MGAT5B: variants seen among roughly 807,000 people sequenced by gnomAD.
MGAT5B encodes alpha-1,6-mannosylglycoprotein 6-beta-N-acetylglucosaminyltransferase B, also known as N-acetylglucosaminyl-transferase Vb.
A neutral mutation model predicts 95.1 loss-of-function variants in MGAT5B; 54 were observed. That is an observed-to-expected ratio of 0.57 (90% CI 0.46 to 0.71). The LOEUF is 0.71. MGAT5B is among the 30% of genes least tolerant of loss of function. The pLI is 0.00. For missense variants in MGAT5B, 935 were observed against 1,088.6 expected, an observed-to-expected ratio of 0.86 and a Z score of 1.99; for synonymous variants, 464 against 451.0, an observed-to-expected ratio of 1.03 and a Z score of -0.36.
intron 12 of MGAT5B, among the ~76,000 whole-genome samples, chr17:76,937,370 T>C (rs539306889): frequency 3.6e-4 from 55 of 150,982 alleles, no homozygotes; most frequent in Non-Finnish European, 4.6e-4. Context: ...GGTGGATGGG[T>C]GAGTGGAGGG....
intron 15 of MGAT5B, chr17:76,944,187 T>C (rs550364274): frequency 3.9e-5 from 6 of 152,280 alleles, no homozygotes; most frequent in African/African-American, 1.2e-4. Context: ...CTAATGGGGG[T>C]AATTTCCAGG....
chr17:76,943,473 G>A (rs1049382348), intron 15 of MGAT5B, among the ~76,000 whole-genome samples: 1 of 152,182 alleles, frequency 6.6e-6, no homozygotes, highest in Admixed American at 6.5e-5. Flanking sequence ...GCAGATCCTC[G>A]AGCCTATCCC....
chr17:76,949,026 C>T lies in MGAT5B; in HGVS notation c.*188C>T. ...GAATAGGAGGAGGCAGCATGCCGAG[C>T]CCCTGGGACCTCCCAGGCAGGCTCC... On this transcript the variant is annotated 3_prime_UTR_variant, in exon 18 of 18. Coordinates refer to ENST00000569840, the MANE Select transcript of MGAT5B (RefSeq NM_001199172.2). The T allele has an allele frequency of 1.5e-6, 1 of 685,950 alleles. No homozygotes were observed. Among genetic ancestry groups the T allele is most frequent in the Non-Finnish European group, 2.4e-6 (1 of 416,536 alleles). 42.5% of individuals were successfully genotyped at this position (685,950 alleles called of 1,614,324 possible). A position where few individuals can be genotyped will look rare whatever the true frequency, so the allele number is the denominator to read the frequency against.
intron 8 of MGAT5B, chr17:76,913,973 C>G (rs925702349): frequency 2.9e-6 from 1 of 350,778 alleles, no homozygotes; most frequent in Non-Finnish European, 5.6e-6. Flanking sequence ...TAGCCAAGTG[C>G]GCCTGTGGTC....
Position 76,914,185 on chromosome 17 carries a change from A to G in MGAT5B, c.1025+7998A>G, listed in dbSNP as rs767833074. ...AAAGAAAGAGAATTTGGCCACAAAG[A>G]TGTCATTGCTGACTTTGGAAAGAGC... On this transcript the variant is annotated intron_variant, in intron 8 of 17. Coordinates refer to ENST00000569840, the MANE Select transcript of MGAT5B (RefSeq NM_001199172.2). This position sits in a 1 kb window ranked among gnomAD's most constrained non-coding sequence, Gnocchi z 5.1. 5.0e-6 allele frequency: 1 copy of G among 199,220 alleles called. No homozygotes were observed. The highest frequency in any genetic ancestry group is 2.3e-5 in the African/African-American group (1 of 42,716). The allele number at this position is 199,220 out of a possible 1,614,324, so 12.3% of individuals were successfully genotyped here. A position where few individuals can be genotyped will look rare whatever the true frequency, so the allele number is the denominator to read the frequency against.
At position 76,917,072 on chromosome 17, in the gene MGAT5B, G is replaced by A. The variant is rs146509694; in HGVS notation, c.1026-7894G>A. ...TCAGCCTAGTTGTGCTAAGTCCAAC[G>A]CCAGGTGGGAGGTTTCACTGTGACT... is the stretch of plus-strand genomic sequence containing the variant. On this transcript the variant is annotated intron_variant, in intron 8 of 17. Coordinates refer to ENST00000569840, the MANE Select transcript of MGAT5B (RefSeq NM_001199172.2). This position sits in a 1 kb window ranked among gnomAD's most constrained non-coding sequence, Gnocchi z 6.1. Among the ~76,000 whole-genome samples the A allele has an allele frequency of 6.2e-3, 943 of 152,294 alleles. 8 individuals carry two copies. Among genetic ancestry groups the A allele is most frequent in the Non-Finnish European group, 9.3e-3 (636 of 68,030 alleles).
In MGAT5B at chr17:76,932,654, C is replaced by G. The variant is rs762074348; in HGVS notation, c.1301C>G (p.Pro434Arg). ...KQFMTMFPHT[P>R]DNSFMGFVSE... ...CGTGCTCGGGCTGCAGCTCATACCC[C>G]CGACAACTCCTTCATGGGCTTCGTG... Residue 434 changes from proline (P) to arginine (R), a missense_variant, in exon 11 of 18, where the codon CCC becomes CGC. Coordinates refer to ENST00000569840, the MANE Select transcript of MGAT5B (RefSeq NM_001199172.2). The G allele has an allele frequency of 2.5e-6, 4 of 1,613,916 alleles. No individual in the cohort carries two copies. Among genetic ancestry groups the G allele is most frequent in the Non-Finnish European group, 3.4e-6 (4 of 1,179,864 alleles).
chr17:76,876,493 A>G (rs1248657622), intron 2 of MGAT5B, among the ~76,000 whole-genome samples: 1 of 152,202 alleles, frequency 6.6e-6, no homozygotes, highest in East Asian at 1.9e-4. Flanking sequence ...GGTCAACAAA[A>G]CAATCTGTGT....
At position 76,949,457 on chromosome 17, in the gene MGAT5B, T is replaced by C; in HGVS notation, c.*619T>C. 6.5e-6 allele frequency: 1 copy of C among 152,854 alleles called. No individual in the cohort carries two copies. Among genetic ancestry groups the C allele is most frequent in the Non-Finnish European group, 1.5e-5 (1 of 68,542 alleles). 9.5% of individuals were successfully genotyped at this position (152,854 alleles called of 1,614,324 possible). On this transcript the variant is annotated 3_prime_UTR_variant, in exon 18 of 18. Coordinates refer to ENST00000569840, the MANE Select transcript of MGAT5B (RefSeq NM_001199172.2). Reference sequence around the variant, plus strand: ...AGAAGGCTAAGCCGAGGGGTCCTGTTTGTGCCTCCCCTTAGTCCCTTCCCT... The same window carrying C: ...AGAAGGCTAAGCCGAGGGGTCCTGTCTGTGCCTCCCCTTAGTCCCTTCCCT...
At position 76,940,695 on chromosome 17, in the gene MGAT5B, G is replaced by T. The variant is rs1040732139; in HGVS notation, c.1732-37G>T. 6.2e-7 allele frequency: 1 copy of T among 1,607,630 alleles called. No individual in the cohort carries two copies. Among genetic ancestry groups the T allele is most frequent in the South Asian group, 1.1e-5 (1 of 90,816 alleles). On this transcript the variant is annotated intron_variant, in intron 14 of 17. Coordinates refer to ENST00000569840, the MANE Select transcript of MGAT5B (RefSeq NM_001199172.2). The surrounding 1 kb of genome is among the most constrained non-coding windows in gnomAD (Gnocchi z 4.3). ...TTCTTTGTCCCTGTCCCACTGGCAG[G>T]CACGGGGGGCATCTGCAATCTCTGT... is the stretch of plus-strand genomic sequence containing the variant.
At chr17:76,935,353 TTCATTTCTCCTG>T (rs1307580440) in intron 12 of MGAT5B, among the ~76,000 whole-genome samples, 1 of 152,206 alleles carries the variant, frequency 6.6e-6, no homozygotes, top group African/African-American at 2.4e-5. Flanking sequence ...AACATATGCT[TTCATTTCTCCTG>T]GGTAAATGCC....
intron 3 of MGAT5B, among the ~76,000 whole-genome samples, chr17:76,882,704 CCTTTTTTT>C (rs770229256): frequency 2.2e-5 from 3 of 137,598 alleles, no homozygotes; most frequent in East Asian, 2.2e-4. Context: ...TTCCACTGCC[CCTTTTTTT>C]TTTTTTTTTT....
At chr17:76,908,275 C>CTTTTTTT (rs5822149) in intron 8 of MGAT5B, among the ~76,000 whole-genome samples, 20 of 103,054 alleles carry the variant, frequency 1.9e-4, no homozygotes, top group Non-Finnish European at 2.9e-4. Flanking sequence ...TTTCTTTCTT[C>CTTTTTTT]TTTTTTTTTT....
chr17:76,939,340 TACAA>T (rs779180362), intron 13 of MGAT5B, among the ~76,000 whole-genome samples: 3 of 151,610 alleles, frequency 2.0e-5, no homozygotes, highest in East Asian at 1.9e-4. Context: ...TCTACTAAAA[TACAA>T]ACAAACAAAC....
At position 76,869,212 on chromosome 17, in the gene MGAT5B, A is replaced by C. The variant is rs1598876859; in HGVS notation, c.68+115A>C. On this transcript the variant is annotated intron_variant, in intron 1 of 17. Coordinates refer to ENST00000569840, the MANE Select transcript of MGAT5B (RefSeq NM_001199172.2). This position sits in a 1 kb window ranked among gnomAD's most constrained non-coding sequence, Gnocchi z 7.0. ...GGCAGAGGGGGCGGTTCACACTTCA[A>C]CCCCTGGTGATGACCAGTGGGGCTG... 5.3e-4 allele frequency: 403 copies of C among 765,384 alleles called. No individual in the cohort carries two copies. Among genetic ancestry groups the C allele is most frequent in the Middle Eastern group, 1.0e-3 (4 of 3,970 alleles). The allele number at this position is 765,384 out of a possible 1,614,324, so 47.4% of individuals were successfully genotyped here.
chr17:76,904,369 T>G lies in MGAT5B; in HGVS notation c.637T>G (p.Trp213Gly). ...EVEWFCPPLP[W>G]RNQTAAQRAP... ...CGAGTGGTTCTGCCCCCCGCTGCCCTGGAGGAACCAGACGGCTGCCCAGAG... is the reference window on the plus strand; with the variant it reads ...CGAGTGGTTCTGCCCCCCGCTGCCCGGGAGGAACCAGACGGCTGCCCAGAG... Residue 213 changes from tryptophan to glycine, a missense_variant, in exon 6 of 18, where the codon TGG becomes GGG. Coordinates refer to ENST00000569840, the MANE Select transcript of MGAT5B (RefSeq NM_001199172.2). 6.3e-7 allele frequency: 1 copy of G among 1,581,798 alleles called. No homozygotes were observed. Among genetic ancestry groups the G allele is most frequent in the Non-Finnish European group, 8.6e-7 (1 of 1,164,106 alleles).
At chr17:76,874,126 C>T (rs929247273) in intron 2 of MGAT5B, among the ~76,000 whole-genome samples, 4 of 152,106 alleles carry the variant, frequency 2.6e-5, no homozygotes, top group Non-Finnish European at 5.9e-5. Flanking sequence ...GTTAATTTAT[C>T]CCGTCTCTGA....
chr17:76,879,004 C>T (rs920111488), intron 2 of MGAT5B, among the ~76,000 whole-genome samples: 1 of 152,110 alleles, frequency 6.6e-6, no homozygotes, highest in African/African-American at 2.4e-5. Flanking sequence ...TCTGCCCCAT[C>T]CCCCTTGACT....
rs1966964771 is a variant in MGAT5B, at chr17:76,870,352, T to C, written c.68+1255T>C. 6.6e-6 allele frequency among the ~76,000 whole-genome samples: 1 copy of C among 151,342 alleles called. No homozygotes were observed. Among genetic ancestry groups the C allele is most frequent in the East Asian group, 2.0e-4 (1 of 5,092 alleles). On this transcript the variant is annotated intron_variant, in intron 1 of 17. Transcript: ENST00000569840. This position sits in a 1 kb window ranked among gnomAD's most constrained non-coding sequence, Gnocchi z 5.0. The stretch of plus-strand genomic sequence containing the variant: ...GAGAGCTGGTGCAGGCCGTGGGTGG[T>C]GATGGGGGCGTCGGGAGCCCATGGG...
Sources: allele counts gnomAD v4.1 joint callset (sites outside exome capture counted in the v4.1 genomes callset), GRCh38; gene constraint gnomAD v4.1.1; non-coding constraint Gnocchi (gnomAD v3.1); transcripts MANE v1.5; gene names NCBI Gene and HGNC (gene_info 2026-07-23, HGNC 2026-07-21).